The following TF variants were observed in gnomAD, a reference collection of about 807,000 sequenced individuals.
TF encodes the protein serotransferrin.
TF carries 55 observed loss-of-function variants against 82.4 expected under a neutral mutation model. That is an observed-to-expected ratio of 0.67 (90% confidence interval 0.54 to 0.84). The LOEUF is 0.84. Among genes scored for constraint, TF ranks in the 40% least tolerant of loss-of-function variants. The pLI is 0.00. For synonymous variants in TF, 332 were observed against 332.6 expected (o/e 1.00, Z 0.02); for missense variants, 737 against 868.4 (o/e 0.85, Z 1.90).
chr3:133,777,254 A>T lies in TF; in HGVS notation c.2062+16A>T. ...TCCACCTCATGTGAGTAGGAGGAACAGCATGGGGAAGTGGCAACCAAACAT... is the reference window on the plus strand; with the variant it reads ...TCCACCTCATGTGAGTAGGAGGAACTGCATGGGGAAGTGGCAACCAAACAT... On this transcript the variant is annotated intron_variant, in intron 16 of 16. Coordinates refer to ENST00000402696, the MANE Select transcript of TF (RefSeq NM_001063.4). 9 of 1,608,870 alleles carry T rather than the reference A, an allele frequency of 5.6e-6. No individual in the cohort carries two copies. The highest frequency in any genetic ancestry group is 7.6e-6 in the Non-Finnish European group (9 of 1,179,618).
At chr3:133,737,637 A>G in the TF span, among the ~76,000 whole-genome samples, 1 of 152,248 alleles carries the variant, frequency 6.6e-6, no homozygotes, top group Non-Finnish European at 1.5e-5. Context: ...GGATATCACC[A>G]CTGATCCCAC....
At position 133,757,831 on chromosome 3, in the gene TF, C is replaced by T. The variant is rs1395365102; in HGVS notation, c.933C>T (p.Asp311=). ...TATTCAGCTCTCCTCATGGGAAGGA[C>T]CTGCTGTTTAAGGACTCTGCCCACG... The part of the protein sequence containing the change: ...FQLFSSPHGK[D]LLFKDSAHGF... Residue 311 remains aspartate (D), a synonymous_variant, in exon 8 of 17, where the codon GAC becomes GAT. Transcript: ENST00000402696. The T allele has an allele frequency of 1.2e-6, 2 of 1,614,180 alleles. No homozygotes were observed. Among genetic ancestry groups the T allele is most frequent in the Middle Eastern group, 1.6e-4 (1 of 6,062 alleles).
chr3:133,727,411 G>A, the TF span, among the ~76,000 whole-genome samples: 1 of 141,316 alleles, frequency 7.1e-6, no homozygotes, highest in African/African-American at 2.6e-5. Flanking sequence ...ATTATGTAAT[G>A]GCCTTCTTTG....
chr3:133,727,854 T>A, the TF span, among the ~76,000 whole-genome samples: 1 of 130,764 alleles, frequency 7.6e-6, no homozygotes, highest in Non-Finnish European at 1.7e-5. Context: ...AGGCCTGTGG[T>A]GACAAAATCT....
intron 1 of TF, 45 bp downstream of exon 1, chr3:133,746,528 C>T: frequency 1.9e-6 from 3 of 1,567,784 alleles, no homozygotes; most frequent in Non-Finnish European, 2.6e-6. Context: ...CTGGCCCGCG[C>T]GTTCCCTGCA....
chr3:133,752,735 T>C (rs1646838001), intron 2 of TF, among the ~76,000 whole-genome samples: 1 of 152,186 alleles, frequency 6.6e-6, no homozygotes. Context: ...GCTCCATGAC[T>C]TACTGGCTAT....
At chr3:133,728,788 T>G in the TF span, among the ~76,000 whole-genome samples, 10 of 152,222 alleles carry the variant, frequency 6.6e-5, no homozygotes, top group Admixed American at 2.0e-4. Context: ...TGTGGTTTTA[T>G]CTACTTTTGG....
At chr3:133,678,760 G>A in the TF span, among the ~76,000 whole-genome samples, 1 of 152,118 alleles carries the variant, frequency 6.6e-6, no homozygotes, top group Non-Finnish European at 1.5e-5. Context: ...CTGGATATTA[G>A]CCCTTTGTCA....
chr3:133,690,467 CA>C, the TF span, among the ~76,000 whole-genome samples: 61 of 152,168 alleles, frequency 4.0e-4, no homozygotes, highest in African/African-American at 1.4e-3. Flanking sequence ...GGTAGGTTTG[CA>C]GTGAAATTGG....
In TF at chr3:133,748,815, G is replaced by A. The variant is rs1023215185; in HGVS notation, c.216+231G>A. The A allele has an allele frequency of 1.1e-5, 6 of 565,600 alleles. No individual in the cohort carries two copies. In the African/African-American group the frequency reaches 1.1e-4, roughly 11 times the overall value. The allele number at this position is 565,600 out of a possible 1,614,324, so 35.0% of individuals were successfully genotyped here. On this transcript the variant is annotated intron_variant, in intron 2 of 16. Transcript: ENST00000402696. ...GCTTTCCAGACACAGTAGACGCAAG[G>A]GTGACTGTTTTGAGACCCTAGGTTC... is the stretch of plus-strand genomic sequence containing the variant.
intron 14 of TF, among the ~76,000 whole-genome samples, chr3:133,771,534 G>A (rs1020288184): frequency 4.0e-5 from 6 of 151,614 alleles, no homozygotes; most frequent in Admixed American, 3.3e-4. Flanking sequence ...TCAGGAGATC[G>A]AGACCATCCT....
chr3:133,756,257 C>A (rs372221778), intron 5 of TF, 25 bp from the exon 6 acceptor site: 15 of 1,613,296 alleles, frequency 9.3e-6, no homozygotes, highest in Non-Finnish European at 1.2e-5. Context: ...TGCAGGAGCC[C>A]TGCTGATGTG....
the TF span, among the ~76,000 whole-genome samples, chr3:133,678,851 T>TTTTTG: frequency 0.22 from 32,522 of 149,324 alleles, 3,664 homozygotes; most frequent in African/African-American, 0.23. Flanking sequence ...GCCCAGCTAT[T>TTTTTG]TTTTGTTTTG....
rs938064889 is a variant in TF at position 133,792,139 on chromosome 3, T to C, written c.*13519T>C. 6.6e-6 allele frequency: 1 copy of C among 152,212 alleles called. No homozygotes were observed. The highest frequency in any genetic ancestry group is 2.4e-5 in the African/African-American group (1 of 41,464). 9.4% of individuals were successfully genotyped at this position (152,212 alleles called of 1,614,324 possible). On this transcript the variant is annotated 3_prime_UTR_variant, in exon 17 of 17. Transcript: ENST00000402696. ...CAATTTATTTTGGAGCATTAGATTC[T>C]AGATAAGGCCTGGGGACAAATAGAA...
intron 9 of TF, chr3:133,762,300 A>T (rs1335217149): frequency 5.8e-6 from 1 of 172,658 alleles, no homozygotes; most frequent in African/African-American, 2.4e-5. Flanking sequence ...AACTAACTTG[A>T]AAGAAAGGAC....
At chr3:133,722,080 C>A in the TF span, among the ~76,000 whole-genome samples, 1 of 152,016 alleles carries the variant, frequency 6.6e-6, no homozygotes, top group Non-Finnish European at 1.5e-5. Flanking sequence ...CTGGGTTTCA[C>A]CATGTTGCAC....
At chr3:133,663,897 A>G in the TF span, among the ~76,000 whole-genome samples, 1 of 152,204 alleles carries the variant, frequency 6.6e-6, no homozygotes, top group Non-Finnish European at 1.5e-5. Flanking sequence ...GGAACTTGAT[A>G]CCAGAGGAGT....
chr3:133,792,971 T>C lies in TF; in HGVS notation c.*14351T>C, dbSNP rs1258482295. ...TTTGTAAAGGATTATAAAAGGTTTA[T>C]GAGAATCTCACCTTATGGTCAAACG... is the stretch of plus-strand genomic sequence containing the variant. On this transcript the variant is annotated 3_prime_UTR_variant, in exon 17 of 17. Coordinates refer to ENST00000402696, the MANE Select transcript of TF (RefSeq NM_001063.4). 6.6e-6 allele frequency: 1 copy of C among 152,212 alleles called. No homozygotes were observed. Among genetic ancestry groups the C allele is most frequent in the Non-Finnish European group, 1.5e-5 (1 of 68,028 alleles). The allele number at this position is 152,212 out of a possible 1,614,324, so 9.4% of individuals were successfully genotyped here.
the TF span, among the ~76,000 whole-genome samples, chr3:133,674,007 G>A: frequency 5.3e-5 from 8 of 152,222 alleles, 1 homozygote; most frequent in East Asian, 1.9e-4. Context: ...GTGTCATTTG[G>A]GTAGAGTTTC....
Sources: gnomAD v4.1 joint callset for allele counts (sites outside exome capture counted in the v4.1 genomes callset) on GRCh38, gnomAD v4.1.1 for gene constraint, MANE v1.5 for transcripts, NCBI Gene and HGNC (gene_info 2026-07-23, HGNC 2026-07-21) for gene names.